CACNA2D3: variants seen among roughly 807,000 people sequenced by gnomAD.
CACNA2D3 encodes voltage-dependent calcium channel subunit alpha-2/delta-3.
In CACNA2D3, 60 loss-of-function variants were observed where a neutral mutation model predicts 160.6. The observed-to-expected ratio is 0.37, with a 90% CI of 0.30 to 0.46. The LOEUF is 0.46. CACNA2D3 is among the 20% of genes least tolerant of loss of function. The pLI is 1.00. For missense variants in CACNA2D3, 1,205 were observed against 1,365.0 expected (o/e 0.88, Z 1.85); for synonymous variants, 558 against 492.9 (o/e 1.13, Z -1.75).
chr3:54,276,867 G>A (rs960374180), intron 2 of CACNA2D3, among the ~76,000 whole-genome samples: 1 of 152,258 alleles, frequency 6.6e-6, no homozygotes, highest in African/African-American at 2.4e-5. Context: ...AGCTTTCCTT[G>A]ATTGGGTTGC....
At chr3:54,793,321 T>G (rs1359006448) in intron 13 of CACNA2D3, among the ~76,000 whole-genome samples, 1 of 152,266 alleles carries the variant, frequency 6.6e-6, no homozygotes, top group Non-Finnish European at 1.5e-5. Flanking sequence ...TTTATCCCTT[T>G]ACTTCCTGTG....
intron 9 of CACNA2D3, among the ~76,000 whole-genome samples, chr3:54,620,902 A>G (rs1698972203): frequency 1.3e-5 from 2 of 152,242 alleles, no homozygotes. Context: ...ATGTACAAAA[A>G]GCACGTGATG....
chr3:54,619,667 T>G (rs1023987155), intron 9 of CACNA2D3, among the ~76,000 whole-genome samples: 3 of 152,228 alleles, frequency 2.0e-5, no homozygotes, highest in Admixed American at 1.3e-4. Context: ...ACCAGCTTTC[T>G]TCAGCCATTC....
At chr3:54,527,407 GT>G (rs1171552645) in intron 5 of CACNA2D3, among the ~76,000 whole-genome samples, 2 of 152,186 alleles carry the variant, frequency 1.3e-5, no homozygotes, top group Non-Finnish European at 2.9e-5. Context: ...GGAGCTGGGG[GT>G]GGGGACTATG....
intron 11 of CACNA2D3, among the ~76,000 whole-genome samples, chr3:54,679,471 G>A (rs1700303892): frequency 6.6e-6 from 1 of 152,180 alleles, no homozygotes; most frequent in Admixed American, 6.5e-5. Context: ...ATCAATCCCT[G>A]GGAGAGCTGG....
rs191409874 is a variant in CACNA2D3 at position 54,736,031 on chromosome 3, A to G, written c.1168-16568A>G. ...TGTATATATATACACATACATATATATATGTATATATATACACATACATAT... is the reference window on the plus strand; with the variant it reads ...TGTATATATATACACATACATATATGTATGTATATATATACACATACATAT... On this transcript the variant is annotated intron_variant, in intron 11 of 37. Transcript: ENST00000474759. Among the ~76,000 whole-genome samples, 295 of 61,576 alleles carry G rather than the reference A, an allele frequency of 4.8e-3. 13 individuals are homozygous for G. The highest frequency in any genetic ancestry group is 8.8e-3 in the Middle Eastern group (1 of 114). 40.4% of individuals were successfully genotyped at this position (61,576 alleles called of 152,430 possible). A position where few individuals can be genotyped will look rare whatever the true frequency, so the allele number is the denominator to read the frequency against.
At chr3:54,150,163 C>G (rs1168605359) in intron 2 of CACNA2D3, among the ~76,000 whole-genome samples, 1 of 151,466 alleles carries the variant, frequency 6.6e-6, no homozygotes, top group Non-Finnish European at 1.5e-5. Context: ...CTGGTGGTCT[C>G]TAGGGAGACA....
chr3:54,292,972 A>C (rs1380847869), intron 2 of CACNA2D3, among the ~76,000 whole-genome samples: 1 of 152,248 alleles, frequency 6.6e-6, no homozygotes, highest in African/African-American at 2.4e-5. Context: ...TGATATATGC[A>C]TACAATGGAA....
At chr3:54,417,689 AGGAAAGATTGATT>A (rs1699775819) in intron 4 of CACNA2D3, among the ~76,000 whole-genome samples, 2 of 151,794 alleles carry the variant, frequency 1.3e-5, no homozygotes, top group African/African-American at 4.8e-5. Flanking sequence ...GTAAATTCCA[AGGAAAGATTGATT>A]GGATCATTCA....
chr3:54,927,605 AC>A (rs1701060376), intron 27 of CACNA2D3, among the ~76,000 whole-genome samples: 1 of 151,988 alleles, frequency 6.6e-6, no homozygotes. Context: ...CTTTGGTTCC[AC>A]TTTTCCCCCC....
At chr3:54,146,594 A>AGG (rs147504052) in intron 2 of CACNA2D3, among the ~76,000 whole-genome samples, 3 of 151,986 alleles carry the variant, frequency 2.0e-5, no homozygotes, top group African/African-American at 4.8e-5. Flanking sequence ...AATGTGGGGA[A>AGG]GGGGGGCGTG....
At chr3:54,769,342 G>A (rs1318169911) in intron 13 of CACNA2D3, among the ~76,000 whole-genome samples, 1 of 152,090 alleles carries the variant, frequency 6.6e-6, no homozygotes, top group Non-Finnish European at 1.5e-5. Context: ...ACGAGCACTT[G>A]GCATTAGGAA....
chr3:54,240,416 G>A (rs56218729), intron 2 of CACNA2D3, among the ~76,000 whole-genome samples: 5,108 of 152,192 alleles, frequency 0.034, 293 homozygotes, highest in African/African-American at 0.12. Flanking sequence ...TCTCAAAGGC[G>A]GTTACTGAAA....
chr3:54,421,860 C>G (rs1181842312), intron 4 of CACNA2D3, among the ~76,000 whole-genome samples: 1 of 152,070 alleles, frequency 6.6e-6, no homozygotes, highest in Non-Finnish European at 1.5e-5. Flanking sequence ...AAAAGATGTG[C>G]AAGAAGCACT....
At chr3:54,820,380 G>C (rs957579469) in intron 14 of CACNA2D3, among the ~76,000 whole-genome samples, 3 of 152,178 alleles carry the variant, frequency 2.0e-5, no homozygotes, top group East Asian at 3.9e-4. Context: ...CTAATATTTT[G>C]AGGGTCTTCC....
chr3:54,719,444 C>T (rs1254863329), intron 11 of CACNA2D3, among the ~76,000 whole-genome samples: 2 of 151,738 alleles, frequency 1.3e-5, no homozygotes, highest in Non-Finnish European at 2.9e-5. Context: ...TTTTTAATGT[C>T]ATGGATTACA....
At chr3:54,640,125 C>T (rs1321985454) in intron 10 of CACNA2D3, among the ~76,000 whole-genome samples, 3 of 152,158 alleles carry the variant, frequency 2.0e-5, no homozygotes, top group Non-Finnish European at 2.9e-5. Context: ...TGTGATTCTT[C>T]AGTTACTTCA....
intron 3 of CACNA2D3, among the ~76,000 whole-genome samples, chr3:54,339,198 G>A (rs1237612873): frequency 1.3e-5 from 2 of 152,158 alleles, no homozygotes; most frequent in African/African-American, 4.8e-5. Context: ...CTCAAGCTCT[G>A]TGAATGTGCC....
intron 11 of CACNA2D3, among the ~76,000 whole-genome samples, chr3:54,743,580 T>C (rs1042353014): frequency 2.6e-5 from 4 of 152,224 alleles, no homozygotes; most frequent in African/African-American, 9.6e-5. Context: ...ACCATTGCCA[T>C]CCCAATTTGT....
Sources: allele counts gnomAD v4.1 joint callset (sites outside exome capture counted in the v4.1 genomes callset), GRCh38; gene constraint gnomAD v4.1.1; transcripts MANE v1.5; gene names NCBI Gene and HGNC (gene_info 2026-07-23, HGNC 2026-07-21).